The following OR2L13 variants were observed in gnomAD, a reference collection of about 807,000 sequenced individuals.
The protein encoded by OR2L13 is olfactory receptor family 2 subfamily L member 13, also known as olfactory receptor 2L13.
A neutral mutation model predicts 15.3 loss-of-function variants in OR2L13; 14 were observed. The observed-to-expected ratio is 0.91, with a 90% confidence interval of 0.60 to 1.43. The LOEUF (loss-of-function observed/expected upper bound fraction) is 1.43, where lower values mean the gene tolerates loss of function less well. Among genes scored for constraint, OR2L13 ranks in the 40% most tolerant of loss-of-function variants. The pLI, the probability that OR2L13 is intolerant of heterozygous loss-of-function variation, is 0.00. For synonymous variants in OR2L13, 152 were observed against 142.9 expected, an observed-to-expected ratio of 1.06 and a Z score of -0.45; for missense variants, 367 against 387.9, an observed-to-expected ratio of 0.95 and a Z score of 0.45.
At chr1:248,025,924 G>T in the OR2L13 span, among the ~76,000 whole-genome samples, 2 of 146,502 alleles carry the variant, frequency 1.4e-5, no homozygotes, top group Non-Finnish European at 3.0e-5. Context: ...ATAGGAAGGG[G>T]AACATCACAC....
At chr1:247,969,189 GTTGT>G in the OR2L13 span, among the ~76,000 whole-genome samples, 1 of 151,936 alleles carries the variant, frequency 6.6e-6, no homozygotes, top group Non-Finnish European at 1.5e-5. Context: ...TTTTGATGGG[GTTGT>G]TTGTTTTTTT....
chr1:248,005,688 T>C, the OR2L13 span, among the ~76,000 whole-genome samples: 2 of 152,214 alleles, frequency 1.3e-5, no homozygotes, highest in Non-Finnish European at 2.9e-5. Flanking sequence ...CCCATTTGTT[T>C]GTATTCCTCT....
the OR2L13 span, among the ~76,000 whole-genome samples, chr1:247,963,859 T>C: frequency 6.6e-6 from 1 of 152,154 alleles, no homozygotes; most frequent in African/African-American, 2.4e-5. Context: ...CATCTTACTT[T>C]TATTAATGTT....
At chr1:247,949,614 C>A in the OR2L13 span, 1 of 1,614,000 alleles carries the variant, frequency 6.2e-7, no homozygotes, top group Non-Finnish European at 8.5e-7. Flanking sequence ...CTACTATGCA[C>A]CTTTTGTCTA....
chr1:248,042,865 T>C, the OR2L13 span, among the ~76,000 whole-genome samples: 1 of 152,240 alleles, frequency 6.6e-6, no homozygotes, highest in African/African-American at 2.4e-5. Flanking sequence ...TGAAATTTGA[T>C]ATTATCAGCT....
the OR2L13 span, chr1:248,087,601 G>C: frequency 6.6e-6 from 1 of 152,088 alleles, no homozygotes; most frequent in East Asian, 1.9e-4. Flanking sequence ...ACTGCTTTGT[G>C]CTTTTTGCTC....
the OR2L13 span, among the ~76,000 whole-genome samples, chr1:248,073,377 C>G: frequency 2.0e-5 from 3 of 149,278 alleles, no homozygotes; most frequent in Admixed American, 1.4e-4. Flanking sequence ...ATCGCAAGGA[C>G]AAAAAACCAA....
At chr1:247,943,579 A>G in the OR2L13 span, among the ~76,000 whole-genome samples, 3 of 152,118 alleles carry the variant, frequency 2.0e-5, no homozygotes, top group Non-Finnish European at 4.4e-5. Context: ...TTTATGATGA[A>G]TTTATCGAAA....
the OR2L13 span, chr1:248,039,156 A>T: frequency 6.2e-7 from 1 of 1,613,446 alleles, no homozygotes; most frequent in South Asian, 1.1e-5. Flanking sequence ...CAAGGAGGTG[A>T]TGGGGGCCCT....
the OR2L13 span, chr1:248,061,350 T>G: frequency 6.2e-7 from 1 of 1,613,886 alleles, no homozygotes; most frequent in Admixed American, 1.7e-5. Context: ...TTCTCCTTGC[T>G]GTCTACCACA....
chr1:247,985,559 A>G, the OR2L13 span, among the ~76,000 whole-genome samples: 6 of 152,290 alleles, frequency 3.9e-5, no homozygotes, highest in African/African-American at 1.4e-4. Context: ...GAATAGTGCC[A>G]CAATAAACAT....
chr1:248,003,610 A>G, the OR2L13 span: 1 of 1,611,504 alleles, frequency 6.2e-7, no homozygotes, highest in African/African-American at 1.3e-5. Flanking sequence ...CTCACACTGT[A>G]TATATACTCC....
At chr1:247,949,838 C>T in the OR2L13 span, 286 of 1,468,734 alleles carry the variant, frequency 1.9e-4, 1 homozygote, top group East Asian at 6.2e-3. Context: ...GATACACATC[C>T]ATTCAGCAGT....
At chr1:247,966,513 T>TG in the OR2L13 span, 1 of 597,928 alleles carries the variant, frequency 1.7e-6, no homozygotes, top group Middle Eastern at 4.4e-4. Context: ...TGCTTTTACT[T>TG]GCCCTCTTGA....
At chr1:247,966,362 G>T in the OR2L13 span, 1 of 1,581,908 alleles carries the variant, frequency 6.3e-7, no homozygotes, top group Non-Finnish European at 8.6e-7. Context: ...AACATAAAAA[G>T]CTGTTCCTGA....
chr1:248,046,376 A>C, the OR2L13 span, among the ~76,000 whole-genome samples: 2 of 152,178 alleles, frequency 1.3e-5, no homozygotes, highest in Non-Finnish European at 2.9e-5. Context: ...TGCCAATATA[A>C]ACCAAACGGA....
At chr1:248,041,523 C>A in the OR2L13 span, 3 of 150,306 alleles carry the variant, frequency 2.0e-5, no homozygotes, top group East Asian at 5.8e-4. Context: ...TCTAATTAAA[C>A]TAAAGAGCTT....
At chr1:248,065,592 A>G in the OR2L13 span, among the ~76,000 whole-genome samples, 1 of 30,798 alleles carries the variant, frequency 3.2e-5, no homozygotes, top group Admixed American at 3.9e-4. Context: ...CCCTCCCCCC[A>G]CCCCACCACA....
At chr1:248,039,140 G>A in the OR2L13 span, 1 of 1,613,758 alleles carries the variant, frequency 6.2e-7, no homozygotes, top group Non-Finnish European at 8.5e-7. Context: ...TCTACAGCCT[G>A]AGAAACAAGG....
Sources: allele counts gnomAD v4.1 joint callset (sites outside exome capture counted in the v4.1 genomes callset), GRCh38; gene constraint gnomAD v4.1.1; transcripts MANE v1.5; gene names NCBI Gene and HGNC (gene_info 2026-07-23, HGNC 2026-07-21).